The following MBOAT2 variants were observed in gnomAD, a reference collection of about 807,000 sequenced individuals.
The protein encoded by MBOAT2 is membrane-bound glycerophospholipid O-acyltransferase 2.
Under a neutral mutation model 63.4 loss-of-function variants are expected in MBOAT2, and 28 were observed. The observed-to-expected ratio is 0.44, with a 90% CI of 0.33 to 0.61. The LOEUF (loss-of-function observed/expected upper bound fraction) is 0.61. MBOAT2 is among the 20% of genes least tolerant of loss of function. The probability of loss-of-function intolerance (pLI) is 0.03; values close to 1 mark genes in which losing one functional copy is unlikely to be tolerated. For missense variants in MBOAT2, 470 were observed against 605.8 expected (o/e 0.78, Z 2.35); for synonymous variants, 211 against 215.6 (o/e 0.98, Z 0.19).
intron 7 of MBOAT2, among the ~76,000 whole-genome samples, chr2:8,874,655 G>T (rs1289660362): frequency 6.6e-6 from 1 of 152,168 alleles, no homozygotes; most frequent in African/African-American, 2.4e-5. Flanking sequence ...AGTCCCAGCA[G>T]TCAAGTTTGT....
intron 3 of MBOAT2, among the ~76,000 whole-genome samples, chr2:8,942,982 T>TC (rs1187834851): frequency 6.6e-6 from 1 of 152,132 alleles, no homozygotes; most frequent in Non-Finnish European, 1.5e-5. Context: ...TGTCAATGAA[T>TC]CATCCATCCC....
At chr2:8,991,149 T>G (rs1250486640) in intron 1 of MBOAT2, among the ~76,000 whole-genome samples, 1 of 152,064 alleles carries the variant, frequency 6.6e-6, no homozygotes, top group Non-Finnish European at 1.5e-5. Flanking sequence ...AGCTGATAAC[T>G]CCAGAGTTAT....
chr2:8,979,863 C>T (rs975649743), intron 1 of MBOAT2, among the ~76,000 whole-genome samples: 19 of 152,098 alleles, frequency 1.2e-4, no homozygotes, highest in African/African-American at 4.1e-4. Context: ...AGTCCTGATA[C>T]GCAGACTCCA....
chr2:8,893,892 G>T (rs565123419), intron 4 of MBOAT2, among the ~76,000 whole-genome samples: 1 of 152,146 alleles, frequency 6.6e-6, no homozygotes, highest in East Asian at 1.9e-4. Flanking sequence ...ACAGGTGAGA[G>T]GGCACACATC....
At chr2:9,001,673 G>C (rs1482304632) in intron 1 of MBOAT2, among the ~76,000 whole-genome samples, 4 of 152,190 alleles carry the variant, frequency 2.6e-5, no homozygotes, top group African/African-American at 9.7e-5. Context: ...ACTTTCCCTT[G>C]ATTCTCCTGC....
intron 3 of MBOAT2, among the ~76,000 whole-genome samples, chr2:8,912,413 A>AAGAAAGAAAGAC (rs1274023844): frequency 5.0e-4 from 68 of 136,862 alleles, no homozygotes; most frequent in South Asian, 2.1e-3. Flanking sequence ...GAAAGAAAGA[A>AAGAAAGAAAGAC]AGACAGGCCG....
At position 8,979,267 on chromosome 2, in the gene MBOAT2, G is replaced by A. The variant is rs529223663; in HGVS notation, c.76-20625C>T. Among the ~76,000 whole-genome samples the A allele has an allele frequency of 7.7e-4, 117 of 152,212 alleles. 1 individual carries two copies. Among genetic ancestry groups the A allele is most frequent in the Middle Eastern group, 6.8e-3 (2 of 294 alleles). On this transcript the variant is annotated intron_variant, in intron 1 of 12. Transcript: ENST00000305997. ...ATTAGATTGGGATCAGTGGTATCTT[G>A]CCTTTGGGATATTTAACCAATAATC...
intron 5 of MBOAT2, among the ~76,000 whole-genome samples, chr2:8,885,553 CAATGAAGCTG>C (rs1663488951): frequency 6.6e-6 from 1 of 152,108 alleles, no homozygotes; most frequent in Non-Finnish European, 1.5e-5. Flanking sequence ...GAGGTGACAT[CAATGAAGCTG>C]CCAGCAAGAC....
At chr2:8,860,047 G>A (rs1012533502) in intron 12 of MBOAT2, among the ~76,000 whole-genome samples, 12 of 152,062 alleles carry the variant, frequency 7.9e-5, no homozygotes, top group African/African-American at 2.9e-4. Context: ...AATTAGCCGG[G>A]TGTAGTGGTG....
intron 1 of MBOAT2, among the ~76,000 whole-genome samples, chr2:8,980,433 A>G (rs925825826): frequency 6.6e-6 from 1 of 152,184 alleles, no homozygotes; most frequent in African/African-American, 2.4e-5. Context: ...TAATAAGAAA[A>G]TAAGAATAAT....
At chr2:8,932,236 A>T (rs773406759) in intron 3 of MBOAT2, among the ~76,000 whole-genome samples, 5 of 152,214 alleles carry the variant, frequency 3.3e-5, no homozygotes, top group Non-Finnish European at 7.4e-5. Flanking sequence ...TTTAAAGTCT[A>T]TGTTTATTAG....
chr2:8,979,125 G>T (rs887074298), intron 1 of MBOAT2, among the ~76,000 whole-genome samples: 1 of 152,118 alleles, frequency 6.6e-6, no homozygotes, highest in African/African-American at 2.4e-5. Context: ...TAGATACAAT[G>T]TCAGCTTATC....
chr2:8,855,779 ATTT>A lies in MBOAT2; in HGVS notation c.*2897_*2899del, dbSNP rs1248469282. On this transcript the variant is annotated 3_prime_UTR_variant, in exon 13 of 13. Coordinates refer to ENST00000305997, the MANE Select transcript of MBOAT2 (RefSeq NM_138799.4). Reference sequence around the variant, plus strand: ...GAAGGATGAGTAGTTATTTTTGTTCATTTTTTCCCTGAGTAGTATATAATTAAC... The same window carrying A: ...GAAGGATGAGTAGTTATTTTTGTTCATTTCCCTGAGTAGTATATAATTAAC... 1.3e-5 allele frequency: 2 copies of A among 152,138 alleles called. No individual in the cohort carries two copies. Among genetic ancestry groups the A allele is most frequent in the African/African-American group, 4.8e-5 (2 of 41,460 alleles). 9.4% of individuals were successfully genotyped at this position (152,138 alleles called of 1,614,324 possible).
chr2:8,912,111 A>C (rs542516505), intron 3 of MBOAT2, among the ~76,000 whole-genome samples: 1 of 151,992 alleles, frequency 6.6e-6, no homozygotes, highest in South Asian at 2.1e-4. Flanking sequence ...AAAGCCACCT[A>C]TGACAAACCC....
At chr2:8,887,737 T>C (rs192681223) in intron 5 of MBOAT2, among the ~76,000 whole-genome samples, 19 of 152,328 alleles carry the variant, frequency 1.2e-4, no homozygotes, top group Admixed American at 2.6e-4. Flanking sequence ...CTAGACCAAA[T>C]GTCTCTTTCC....
At chr2:8,976,903 A>G (rs1430107526) in intron 1 of MBOAT2, among the ~76,000 whole-genome samples, 1 of 152,190 alleles carries the variant, frequency 6.6e-6, no homozygotes, top group Non-Finnish European at 1.5e-5. Flanking sequence ...GAATCTCAAA[A>G]TAATTATGTG....
intron 1 of MBOAT2, among the ~76,000 whole-genome samples, chr2:8,980,068 A>G (rs1385743826): frequency 6.6e-6 from 1 of 152,214 alleles, no homozygotes. Context: ...ATTGTGAATC[A>G]TAGAAAAGTA....
chr2:8,923,651 C>T (rs1322807132), intron 3 of MBOAT2, among the ~76,000 whole-genome samples: 1 of 152,114 alleles, frequency 6.6e-6, no homozygotes, highest in Non-Finnish European at 1.5e-5. Context: ...TCAAGAAGAA[C>T]CCATCAGGCT....
intron 4 of MBOAT2, among the ~76,000 whole-genome samples, chr2:8,895,707 T>C (rs952418295): frequency 2.0e-5 from 3 of 152,168 alleles, no homozygotes; most frequent in Admixed American, 6.5e-5. Context: ...TCCTGCTGGA[T>C]AGGAGCGAAG....
Sources: gnomAD v4.1 joint callset for allele counts (sites outside exome capture counted in the v4.1 genomes callset) on GRCh38, gnomAD v4.1.1 for gene constraint, MANE v1.5 for transcripts, NCBI Gene and HGNC (gene_info 2026-07-23, HGNC 2026-07-21) for gene names.